Variants in RALYL observed in about 807,000 individuals in gnomAD.
The protein encoded by RALYL is RNA-binding Raly-like protein.
RALYL carries 29 observed loss-of-function variants against 35.1 expected under a neutral mutation model. The ratio of observed to expected loss-of-function variants is 0.83; its 90% CI spans 0.61 to 1.13. The LOEUF (loss-of-function observed/expected upper bound fraction) is 1.13. RALYL is among the 50% of genes most tolerant of loss of function. The pLI, the probability that RALYL is intolerant of heterozygous loss-of-function variation, is 0.00. For missense variants in RALYL, 359 were observed against 360.4 expected (o/e 1.00, Z 0.03); for synonymous variants, 120 against 127.6 (o/e 0.94, Z 0.40).
intron 2 of RALYL, among the ~76,000 whole-genome samples, chr8:84,587,293 C>A (rs1232367571): frequency 6.6e-6 from 1 of 152,138 alleles, no homozygotes; most frequent in East Asian, 1.9e-4. Context: ...TTATTCAGTT[C>A]TTGAGGAATT....
At position 84,335,709 on chromosome 8, in the gene RALYL, C is replaced by CTTTTTTTT. The variant is rs548185561; in HGVS notation, c.-24+151297_-24+151304dup. On this transcript the variant is annotated intron_variant, in intron 1 of 8. Coordinates refer to ENST00000521268, the MANE Select transcript of RALYL (RefSeq NM_173848.7). ...ATTTCTAATATATGTGTTTTCTTAC[C>CTTTTTTTT]TTTTTTTTTTTTTTTTTTTCCAAGA... Among the ~76,000 whole-genome samples, 54 of 85,210 alleles carry CTTTTTTTT rather than the reference C, an allele frequency of 6.3e-4. 1 individual carries two copies. Among genetic ancestry groups the CTTTTTTTT allele is most frequent in the African/African-American group, 8.7e-4 (15 of 17,182 alleles). The allele number at this position is 85,210 out of a possible 152,430, so 55.9% of individuals were successfully genotyped here. A position where few individuals can be genotyped will look rare whatever the true frequency, so the allele number is the denominator to read the frequency against.
At chr8:84,266,731 C>G (rs1586650540) in intron 1 of RALYL, among the ~76,000 whole-genome samples, 7 of 151,982 alleles carry the variant, frequency 4.6e-5, no homozygotes, top group Admixed American at 4.6e-4. Context: ...GAGGCCGAGG[C>G]GGGCGGATCA....
intron 2 of RALYL, among the ~76,000 whole-genome samples, chr8:84,695,093 G>C (rs1474369287): frequency 6.6e-6 from 1 of 151,638 alleles, no homozygotes; most frequent in Non-Finnish European, 1.5e-5. Context: ...CCTTGATTTG[G>C]TATTTTTATT....
intron 1 of RALYL, among the ~76,000 whole-genome samples, chr8:84,381,211 C>T (rs1180081517): frequency 2.6e-5 from 4 of 151,844 alleles, no homozygotes; most frequent in Non-Finnish European, 4.4e-5. Context: ...TGCTTGTTCT[C>T]CACAGAAGTC....
intron 1 of RALYL, among the ~76,000 whole-genome samples, chr8:84,284,711 C>A (rs983991080): frequency 2.0e-5 from 3 of 152,128 alleles, no homozygotes; most frequent in African/African-American, 7.2e-5. Context: ...CTCATGAAGT[C>A]ATTAATTGGA....
chr8:84,825,331 A>C (rs1829438889), intron 4 of RALYL, among the ~76,000 whole-genome samples: 1 of 152,196 alleles, frequency 6.6e-6, no homozygotes, highest in Non-Finnish European at 1.5e-5. Context: ...CTATTATTAA[A>C]AAAAATTAAA....
intron 1 of RALYL, among the ~76,000 whole-genome samples, chr8:84,227,940 A>C (rs563713588): frequency 6.6e-6 from 1 of 152,150 alleles, no homozygotes; most frequent in Non-Finnish European, 1.5e-5. Flanking sequence ...TCAGAATTTA[A>C]AAGACACCTT....
intron 2 of RALYL, among the ~76,000 whole-genome samples, chr8:84,639,969 CAAAT>C (rs1242741297): frequency 6.6e-6 from 1 of 151,946 alleles, no homozygotes; most frequent in Non-Finnish European, 1.5e-5. Context: ...GTCCAAAACA[CAAAT>C]AGTTTGTTCA....
intron 1 of RALYL, among the ~76,000 whole-genome samples, chr8:84,332,648 G>T (rs1275518621): frequency 6.6e-6 from 1 of 151,962 alleles, no homozygotes; most frequent in Non-Finnish European, 1.5e-5. Context: ...TTTTTTATGT[G>T]TACAAGTTTA....
intron 2 of RALYL, among the ~76,000 whole-genome samples, chr8:84,681,446 A>G (rs1047275915): frequency 1.3e-4 from 19 of 140,834 alleles, no homozygotes; most frequent in Non-Finnish European, 2.6e-4. Flanking sequence ...TGGGCAGTAC[A>G]GCCATTTTCA....
At chr8:84,283,941 G>A (rs543253525) in intron 1 of RALYL, among the ~76,000 whole-genome samples, 82 of 151,752 alleles carry the variant, frequency 5.4e-4, no homozygotes, top group African/African-American at 1.9e-3. Flanking sequence ...GTATTAAATG[G>A]AACCTTACAT....
intron 2 of RALYL, among the ~76,000 whole-genome samples, chr8:84,736,142 T>C (rs1847271985): frequency 1.3e-5 from 2 of 152,062 alleles, no homozygotes; most frequent in Non-Finnish European, 2.9e-5. Context: ...AAGAAAAATA[T>C]TATATCTAAG....
chr8:84,889,018 G>A (rs1843382170), intron 8 of RALYL, among the ~76,000 whole-genome samples: 1 of 152,152 alleles, frequency 6.6e-6, no homozygotes, highest in African/African-American at 2.4e-5. Flanking sequence ...CCAAAGAGCT[G>A]GGATTACATG....
chr8:84,479,901 T>A (rs189378629), intron 1 of RALYL, among the ~76,000 whole-genome samples: 1 of 152,294 alleles, frequency 6.6e-6, no homozygotes, highest in African/African-American at 2.4e-5. Context: ...TCATGTAATG[T>A]CCAGCAGTAA....
At chr8:84,449,894 T>C (rs2049265486) in intron 1 of RALYL, among the ~76,000 whole-genome samples, 1 of 151,938 alleles carries the variant, frequency 6.6e-6, no homozygotes, top group African/African-American at 2.4e-5. Context: ...TTACCACATT[T>C]TTTGCAAATA....
chr8:84,535,468 C>T (rs896769018), intron 2 of RALYL, among the ~76,000 whole-genome samples: 5 of 147,900 alleles, frequency 3.4e-5, no homozygotes, highest in African/African-American at 1.0e-4. Context: ...CGGAGTCTCG[C>T]TCTGTCGCCC....
Position 84,235,761 on chromosome 8 carries a change from C to CTTTTTTT in RALYL, c.-24+51342_-24+51343insTTTTTTT, listed in dbSNP as rs200486763. 2.8e-3 allele frequency among the ~76,000 whole-genome samples: 389 copies of CTTTTTTT among 137,958 alleles called. 1 individual carries two copies. The highest frequency in any genetic ancestry group is 6.1e-3 in the African/African-American group (221 of 36,000). The allele number at this position is 137,958 out of a possible 152,430, so 90.5% of individuals were successfully genotyped here. A position where few individuals can be genotyped will look rare whatever the true frequency, so the allele number is the denominator to read the frequency against. ...ATCCAATGCATTTCTTTTTCTTTTT[C>CTTTTTTT]TTTTTCTTTTTTTTTTTTTTTTTTG... On this transcript the variant is annotated intron_variant, in intron 1 of 8. Coordinates refer to ENST00000521268, the MANE Select transcript of RALYL (RefSeq NM_173848.7).
At chr8:84,509,886 C>A (rs1423530395) in intron 1 of RALYL, among the ~76,000 whole-genome samples, 1 of 152,138 alleles carries the variant, frequency 6.6e-6, no homozygotes, top group Non-Finnish European at 1.5e-5. Context: ...TTTCTCCATT[C>A]TTTTGCCAAT....
At chr8:84,689,495 G>A (rs1837561747) in intron 2 of RALYL, among the ~76,000 whole-genome samples, 2 of 152,142 alleles carry the variant, frequency 1.3e-5, no homozygotes, top group African/African-American at 2.4e-5. Context: ...CATTTGGCTT[G>A]GTTCCAAGTC....
Sources: allele counts gnomAD v4.1 joint callset (sites outside exome capture counted in the v4.1 genomes callset), GRCh38; gene constraint gnomAD v4.1.1; transcripts MANE v1.5; gene names NCBI Gene and HGNC (gene_info 2026-07-23, HGNC 2026-07-21).